The following H2BC18 variants were observed in gnomAD, a reference collection of about 807,000 sequenced individuals.
H2BC18 encodes H2B clustered histone 18.
Under a neutral mutation model 6.3 loss-of-function variants are expected in H2BC18, and 8 were observed. That is an observed-to-expected ratio of 1.28 (90% CI 0.75 to 2.31). H2BC18 has a LOEUF of 2.31. H2BC18 is among the 30% of genes most tolerant of loss of function. The pLI is 0.00. For synonymous variants in H2BC18, 104 were observed against 78.1 expected, an observed-to-expected ratio of 1.33 and a Z score of -1.75; for missense variants, 106 against 174.5, an observed-to-expected ratio of 0.61 and a Z score of 2.21.
chr1:149,792,991 A>G (rs2091749786), intron 1 of H2BC18: 1 of 1,275,444 alleles, frequency 7.8e-7, no homozygotes, highest in African/African-American at 1.6e-5. Flanking sequence ...CGGCCTCCCC[A>G]GGCGCGTAGC....
intron 1 of H2BC18, chr1:149,790,231 A>T: frequency 6.2e-7 from 1 of 1,612,030 alleles, no homozygotes; most frequent in East Asian, 2.2e-5. Flanking sequence ...TCTGAATACC[A>T]AATACTAACT....
At chr1:149,810,653 T>C (rs1431564717), downstream of H2BC18, 2 of 152,084 alleles carry the variant, frequency 1.3e-5, no homozygotes, top group African/African-American at 4.8e-5. Flanking sequence ...AGTTTTGAAC[T>C]GAGAGGTCTT....
chr1:149,785,431 T>C (rs1199562873), intron 1 of H2BC18, among the ~76,000 whole-genome samples: 2 of 142,586 alleles, frequency 1.4e-5, no homozygotes, highest in Non-Finnish European at 3.1e-5. Flanking sequence ...TTTTTTTTTT[T>C]TTTGAGACAG....
intron 1 of H2BC18, among the ~76,000 whole-genome samples, chr1:149,801,389 C>T (rs1553753332): frequency 1.3e-5 from 2 of 151,228 alleles, no homozygotes; most frequent in African/African-American, 4.9e-5. Context: ...CTATTTTTCA[C>T]CTGTGCATTA....
intron 1 of H2BC18, among the ~76,000 whole-genome samples, chr1:149,802,712 G>T (rs2101476286): frequency 6.6e-6 from 1 of 152,346 alleles, no homozygotes; most frequent in South Asian, 2.1e-4. Context: ...GAAGCCCACA[G>T]TGCAGCCTTC....
rs2091979715 is a variant in H2BC18 at position 149,811,924 on chromosome 1, T to C, written c.*19A>G. On this transcript the variant is annotated 3_prime_UTR_variant, in exon 1 of 1. Coordinates refer to ENST00000369167, the MANE Select transcript of H2BC18 (RefSeq NM_001024599.5). ...CCTTTGGGGTTAGGTGGTTGATCTA[T>C]TGCGTCCCTTGCACACTCTTACTTC... is the stretch of plus-strand genomic sequence containing the variant. 7 of 1,600,666 alleles carry C rather than the reference T, an allele frequency of 4.4e-6. No individual in the cohort carries two copies. The highest frequency in any genetic ancestry group is 1.1e-5 in the South Asian group (1 of 90,726).
downstream of H2BC18, among the ~76,000 whole-genome samples, chr1:149,807,057 C>G (rs1369872896): frequency 6.6e-6 from 1 of 152,024 alleles, no homozygotes; most frequent in Non-Finnish European, 1.5e-5. Context: ...TTTAAAATGC[C>G]ATTGCAAATA....
At chr1:149,790,522 ATTTCC>A (rs782587884) in intron 1 of H2BC18, 6 of 992,384 alleles carry the variant, frequency 6.0e-6, no homozygotes, top group African/African-American at 1.7e-5. Context: ...AAACTGTTAA[ATTTCC>A]TTTCCTTTCT....
intron 1 of H2BC18, chr1:149,787,347 T>G (rs1394735285): frequency 2.0e-5 from 3 of 152,240 alleles, no homozygotes; most frequent in African/African-American, 7.2e-5. Flanking sequence ...CCAAACCAAC[T>G]GCCTCTGGAG....
intron 1 of H2BC18, chr1:149,784,116 T>C (rs2091475513): frequency 1.9e-6 from 3 of 1,611,710 alleles, no homozygotes; most frequent in Non-Finnish European, 8.5e-7. Flanking sequence ...CTCTACACAG[T>C]GGTTTCTCAA....
intron 1 of H2BC18, among the ~76,000 whole-genome samples, chr1:149,799,608 G>C (rs587632154): frequency 6.6e-5 from 10 of 152,280 alleles, no homozygotes; most frequent in Admixed American, 3.9e-4. Flanking sequence ...TGCACAATCA[G>C]CAAATCTTAT....
At chr1:149,811,514 G>A, downstream of H2BC18, 1 of 198,932 alleles carries the variant, frequency 5.0e-6, no homozygotes, top group Non-Finnish European at 1.1e-5. Flanking sequence ...AATAGTAAGA[G>A]GTCGGACCGA....
At position 149,785,407 on chromosome 1, in the gene H2BC18, CGT is replaced by C. The variant is rs1491240949; in HGVS notation, c.378-2149_378-2148del. 2.1e-4 allele frequency among the ~76,000 whole-genome samples: 16 copies of C among 74,546 alleles called. 1 individual carries two copies. The highest frequency in any genetic ancestry group is 5.0e-4 in the African/African-American group (11 of 21,914). 48.9% of individuals were successfully genotyped at this position (74,546 alleles called of 152,430 possible). A position where few individuals can be genotyped will look rare whatever the true frequency, so the allele number is the denominator to read the frequency against. On this transcript the variant is annotated intron_variant, in intron 1 of 1. Transcript: ENST00000545683. The stretch of plus-strand genomic sequence containing the variant: ...GTTAGGGAAGCTGACAGAGCTGTTT[CGT>C]TTTTTTTTTTTTTTTTTTTTTTTTT...
chr1:149,788,650 T>C lies in H2BC18; in HGVS notation c.378-5390A>G, dbSNP rs782265414. ...ATTGGAATAGTCATAGAACTGATAG[T>C]CCCTCCCCCTGAGGGACCATCATAA... On this transcript the variant is annotated intron_variant, in intron 1 of 1. Coordinates refer to the H2BC18 transcript ENST00000545683. 1.1e-5 allele frequency: 18 copies of C among 1,613,432 alleles called. No homozygotes were observed. The South Asian group carries it at 2.0e-4, about 18-fold the overall frequency.
At chr1:149,790,693 C>T in intron 1 of H2BC18, among the ~76,000 whole-genome samples, 1 of 150,364 alleles carries the variant, frequency 6.7e-6, no homozygotes, top group Non-Finnish European at 1.5e-5. Context: ...TGCTTCCCTG[C>T]CTCCCTCCTC....
At chr1:149,807,821 A>AAGAGAGAGAGAGAG (rs587706663), downstream of H2BC18, among the ~76,000 whole-genome samples, 1 of 133,172 alleles carries the variant, frequency 7.5e-6, no homozygotes, top group African/African-American at 3.1e-5. Flanking sequence ...AGAAGAAAGA[A>AAGAGAGAGAGAGAG]AGAGAGAGAG....
chr1:149,795,415 GT>G (rs2091789964), intron 1 of H2BC18, among the ~76,000 whole-genome samples: 1 of 122,496 alleles, frequency 8.2e-6, no homozygotes, highest in African/African-American at 3.2e-5. Context: ...CAAGGCAAGG[GT>G]TAAAAAGAAG....
intron 1 of H2BC18, chr1:149,784,371 C>G: frequency 4.4e-6 from 7 of 1,602,808 alleles, no homozygotes; most frequent in Non-Finnish European, 6.0e-6. Context: ...GGTCTCAGCA[C>G]TATGTACCTA....
At chr1:149,788,851 A>G (rs587661758) in intron 1 of H2BC18, among the ~76,000 whole-genome samples, 2 of 152,220 alleles carry the variant, frequency 1.3e-5, no homozygotes, top group Non-Finnish European at 2.9e-5. Flanking sequence ...CACAGGAGCT[A>G]ATGTCAATGT....
Sources: gnomAD v4.1 joint callset for allele counts (sites outside exome capture counted in the v4.1 genomes callset) on GRCh38, gnomAD v4.1.1 for gene constraint, MANE v1.5 for transcripts, NCBI Gene and HGNC (gene_info 2026-07-23, HGNC 2026-07-21) for gene names.